MALRD1: variants seen among roughly 807,000 people sequenced by gnomAD.
MALRD1 encodes the protein MAM and LDL-receptor class A domain-containing protein 1.
In MALRD1, 247 loss-of-function variants were observed where a neutral mutation model predicts 242.1. That is an observed-to-expected ratio of 1.02 (90% CI 0.92 to 1.13). The LOEUF is 1.13. MALRD1 is among the 50% of genes most tolerant of loss of function. The pLI is 0.00. For synonymous variants in MALRD1, 995 were observed against 866.6 expected (o/e 1.15, Z -2.60); for missense variants, 2,989 against 2,533.1 (o/e 1.18, Z -3.86).
At chr10:19,510,115 T>C (rs925948055) in intron 31 of MALRD1, among the ~76,000 whole-genome samples, 7 of 152,190 alleles carry the variant, frequency 4.6e-5, no homozygotes, top group African/African-American at 1.7e-4. Flanking sequence ...GAAAAGGTGC[T>C]GTGCTTTTGA....
intron 36 of MALRD1, among the ~76,000 whole-genome samples, chr10:19,668,866 C>T (rs1841795908): frequency 1.3e-5 from 2 of 151,928 alleles, no homozygotes; most frequent in African/African-American, 4.8e-5. Context: ...GTAGAAATTC[C>T]AGGAAGAGAG....
chr10:19,732,477 G>A (rs1250563986), intron 39 of MALRD1, among the ~76,000 whole-genome samples: 1 of 152,098 alleles, frequency 6.6e-6, no homozygotes, highest in Admixed American at 6.6e-5. Context: ...TGGCCAGGCT[G>A]ATCTCAAACT....
intron 29 of MALRD1, among the ~76,000 whole-genome samples, chr10:19,486,196 A>G (rs888512454): frequency 2.0e-5 from 3 of 152,236 alleles, no homozygotes; most frequent in Non-Finnish European, 4.4e-5. Flanking sequence ...ATCACATTAA[A>G]TCAAATGTCA....
intron 33 of MALRD1, among the ~76,000 whole-genome samples, chr10:19,573,238 C>T (rs182461532): frequency 9.8e-5 from 15 of 152,286 alleles, no homozygotes; most frequent in Non-Finnish European, 2.1e-4. Context: ...GAAACTCTCC[C>T]TGGCCCTGGA....
At chr10:19,143,714 C>T (rs912261111) in intron 10 of MALRD1, among the ~76,000 whole-genome samples, 1 of 152,184 alleles carries the variant, frequency 6.6e-6, no homozygotes, top group Non-Finnish European at 1.5e-5. Context: ...GTCAAATCCA[C>T]AGCCAAGAAT....
intron 36 of MALRD1, among the ~76,000 whole-genome samples, chr10:19,633,992 C>T (rs1840022005): frequency 6.6e-6 from 1 of 151,900 alleles, no homozygotes; most frequent in Non-Finnish European, 1.5e-5. Context: ...GGGGATGCCA[C>T]CAGGCCCAGC....
At chr10:19,397,125 A>G (rs993353838) in intron 28 of MALRD1, among the ~76,000 whole-genome samples, 1 of 152,110 alleles carries the variant, frequency 6.6e-6, no homozygotes, top group Non-Finnish European at 1.5e-5. Flanking sequence ...CCTCTCTGCT[A>G]GCTATTTTGA....
chr10:19,377,240 G>A (rs947158632), intron 26 of MALRD1, among the ~76,000 whole-genome samples: 1 of 152,106 alleles, frequency 6.6e-6, no homozygotes, highest in East Asian at 1.9e-4. Flanking sequence ...AAAATGAAAA[G>A]ATGGGTTGTT....
chr10:19,443,832 T>G (rs116677149), intron 28 of MALRD1, among the ~76,000 whole-genome samples: 5 of 152,236 alleles, frequency 3.3e-5, no homozygotes, highest in African/African-American at 1.2e-4. Flanking sequence ...ACATGTCTAT[T>G]ACATCCACTT....
chr10:19,127,804 T>C (rs1837328969), intron 7 of MALRD1, among the ~76,000 whole-genome samples: 1 of 151,990 alleles, frequency 6.6e-6, no homozygotes, highest in South Asian at 2.1e-4. Context: ...AAGGATTTTC[T>C]ACAAAAAGTA....
At chr10:19,283,937 G>A (rs945267188) in intron 21 of MALRD1, among the ~76,000 whole-genome samples, 3 of 152,180 alleles carry the variant, frequency 2.0e-5, no homozygotes, top group African/African-American at 4.8e-5. Context: ...TAGGGAGACA[G>A]GCAGCAAGTC....
intron 28 of MALRD1, among the ~76,000 whole-genome samples, chr10:19,444,116 G>A (rs1834824797): frequency 1.3e-5 from 2 of 152,140 alleles, no homozygotes; most frequent in African/African-American, 2.4e-5. Context: ...TTTTATCAGA[G>A]ACTAGGATTG....
intron 29 of MALRD1, chr10:19,489,007 T>A: frequency 2.2e-6 from 1 of 455,960 alleles, no homozygotes; most frequent in Non-Finnish European, 4.4e-6. Context: ...TATCCGGTTC[T>A]CCCACCATCC....
At chr10:19,610,768 C>A (rs1259285765) in intron 35 of MALRD1, among the ~76,000 whole-genome samples, 1 of 151,952 alleles carries the variant, frequency 6.6e-6, no homozygotes, top group African/African-American at 2.4e-5. Flanking sequence ...AGTTCAGATG[C>A]TTCTTTGCTA....
chr10:19,204,286 T>G (rs540326482), intron 15 of MALRD1, 22 bp from the exon 16 acceptor site: 110 of 1,432,946 alleles, frequency 7.7e-5, no homozygotes, highest in Non-Finnish European at 9.4e-5. Context: ...GAAGCGTTTT[T>G]TTTTTTTTTT....
chr10:19,435,160 TTA>T (rs1440415829), intron 28 of MALRD1, among the ~76,000 whole-genome samples: 1 of 149,912 alleles, frequency 6.7e-6, no homozygotes, highest in Admixed American at 6.7e-5. Flanking sequence ...AATATCCTAT[TTA>T]TATATAGAGA....
chr10:19,441,017 C>CT (rs1834614397), intron 28 of MALRD1, among the ~76,000 whole-genome samples: 1 of 152,030 alleles, frequency 6.6e-6, no homozygotes, highest in South Asian at 2.1e-4. Context: ...TGTTTCCTGA[C>CT]TTTTTAATGA....
chr10:19,683,420 A>C (rs1224812792), intron 36 of MALRD1, among the ~76,000 whole-genome samples: 1 of 152,222 alleles, frequency 6.6e-6, no homozygotes, highest in Non-Finnish European at 1.5e-5. Context: ...TTTCATGTGC[A>C]TCGTAATATT....
chr10:19,108,913 A>G (rs923668936), intron 5 of MALRD1, among the ~76,000 whole-genome samples: 1 of 151,974 alleles, frequency 6.6e-6, no homozygotes, highest in Non-Finnish European at 1.5e-5. Flanking sequence ...CCCTATGTTG[A>G]TATCTGTGCA....
Sources: gnomAD v4.1 joint callset for allele counts (sites outside exome capture counted in the v4.1 genomes callset) on GRCh38, gnomAD v4.1.1 for gene constraint, MANE v1.5 for transcripts, NCBI Gene and HGNC (gene_info 2026-07-23, HGNC 2026-07-21) for gene names.